ADAMTS19: variants seen among roughly 807,000 people sequenced by gnomAD.
ADAMTS19 encodes ADAM metallopeptidase with thrombospondin type 1 motif 19.
In ADAMTS19, 93 loss-of-function variants were observed where a neutral mutation model predicts 153.3. That is an observed-to-expected ratio of 0.61 (90% CI 0.51 to 0.72). ADAMTS19 has a LOEUF of 0.72. Among genes scored for constraint, ADAMTS19 ranks in the 30% least tolerant of loss-of-function variants. ADAMTS19 has a pLI of 0.00. For missense variants in ADAMTS19, 1,482 were observed against 1,552.1 expected (o/e 0.95, Z 0.76); for synonymous variants, 600 against 556.6 (o/e 1.08, Z -1.10).
chr5:129,638,308 T>C (rs945380150), intron 10 of ADAMTS19, among the ~76,000 whole-genome samples: 3 of 152,172 alleles, frequency 2.0e-5, no homozygotes, highest in African/African-American at 7.2e-5. Context: ...TTGGTTTCAC[T>C]TTAGTAAATT....
chr5:129,543,895 G>A (rs1752753602), intron 6 of ADAMTS19, among the ~76,000 whole-genome samples: 1 of 152,130 alleles, frequency 6.6e-6, no homozygotes. Flanking sequence ...AATGGTAAAT[G>A]TATTCCTAAA....
intron 7 of ADAMTS19, among the ~76,000 whole-genome samples, chr5:129,594,407 T>C (rs937521629): frequency 1.3e-5 from 2 of 152,084 alleles, no homozygotes; most frequent in Non-Finnish European, 2.9e-5. Flanking sequence ...TGGCAAAATA[T>C]ATGGGAATCT....
At chr5:129,572,900 T>A (rs1398756069) in intron 7 of ADAMTS19, among the ~76,000 whole-genome samples, 1 of 151,994 alleles carries the variant, frequency 6.6e-6, no homozygotes, top group Non-Finnish European at 1.5e-5. Flanking sequence ...AAAGAAAATG[T>A]TACTGTATAT....
At chr5:129,534,411 C>A (rs957399312) in intron 6 of ADAMTS19, among the ~76,000 whole-genome samples, 8 of 152,222 alleles carry the variant, frequency 5.3e-5, no homozygotes, top group East Asian at 1.9e-4. Flanking sequence ...ATAACAGGCT[C>A]TGAAATTGAG....
intron 3 of ADAMTS19, among the ~76,000 whole-genome samples, chr5:129,511,999 G>A (rs1440897582): frequency 1.3e-5 from 2 of 152,006 alleles, no homozygotes; most frequent in Non-Finnish European, 2.9e-5. Context: ...AAGGCATCAA[G>A]GGAACAGAAA....
At chr5:129,642,670 A>G (rs1208571077) in intron 11 of ADAMTS19, among the ~76,000 whole-genome samples, 2 of 152,218 alleles carry the variant, frequency 1.3e-5, no homozygotes, top group Non-Finnish European at 2.9e-5. Context: ...ACTGTACTCA[A>G]TTGTTAAGAT....
intron 8 of ADAMTS19, among the ~76,000 whole-genome samples, chr5:129,616,060 T>C (rs1751509200): frequency 6.6e-6 from 1 of 152,032 alleles, no homozygotes; most frequent in Non-Finnish European, 1.5e-5. Context: ...TCTAATTTTT[T>C]ACCTTGCTTT....
intron 7 of ADAMTS19, 114 bp from the exon 8 acceptor site, chr5:129,596,445 T>C (rs3944133): frequency 0.74 from 525,042 of 705,310 alleles, 199,616 homozygotes; most frequent in Non-Finnish European, 0.8. Context: ...TTTCACAGAT[T>C]AATACTGACA....
At position 129,520,370 on chromosome 5, in the gene ADAMTS19, A is replaced by G. The variant is rs144589110; in HGVS notation, c.914-5914A>G. ...ACTAGGGAGCCTAGTAAAATGCTGG[A>G]TATAAAGTTTCTTCACGTTAATTCC... On this transcript the variant is annotated intron_variant, in intron 3 of 22. Transcript: ENST00000274487. Among the ~76,000 whole-genome samples, 732 of 152,254 alleles carry G rather than the reference A, an allele frequency of 4.8e-3. 4 individuals carry two copies. The highest frequency in any genetic ancestry group is 6.8e-3 in the Non-Finnish European group (460 of 68,024).
intron 7 of ADAMTS19, among the ~76,000 whole-genome samples, chr5:129,568,666 T>A (rs1753797371): frequency 6.6e-6 from 1 of 151,660 alleles, no homozygotes; most frequent in Admixed American, 6.6e-5. Context: ...CAAAAAAAGT[T>A]TAAAAATTAG....
chr5:129,732,698 T>A (rs1757490543), intron 21 of ADAMTS19, among the ~76,000 whole-genome samples: 1 of 152,056 alleles, frequency 6.6e-6, no homozygotes, highest in African/African-American at 2.4e-5. Context: ...CCCATGCTCA[T>A]ATATTATAAG....
chr5:129,621,105 G>A (rs754574602), intron 9 of ADAMTS19, among the ~76,000 whole-genome samples: 19 of 152,042 alleles, frequency 1.2e-4, no homozygotes, highest in Non-Finnish European at 2.8e-4. Flanking sequence ...CTATTATCAC[G>A]AAGATCAGGG....
chr5:129,535,564 T>G (rs1428916869), intron 6 of ADAMTS19, among the ~76,000 whole-genome samples: 1 of 152,142 alleles, frequency 6.6e-6, no homozygotes, highest in Non-Finnish European at 1.5e-5. Flanking sequence ...AAAGCTACTT[T>G]AAAGTTCATA....
chr5:129,575,750 A>G (rs2126872735), intron 7 of ADAMTS19, among the ~76,000 whole-genome samples: 1 of 152,168 alleles, frequency 6.6e-6, no homozygotes, highest in East Asian at 1.9e-4. Flanking sequence ...TAAACATTAT[A>G]TTTTCCGAGG....
At chr5:129,557,887 T>A (rs537394303) in intron 7 of ADAMTS19, among the ~76,000 whole-genome samples, 9 of 152,128 alleles carry the variant, frequency 5.9e-5, no homozygotes, top group East Asian at 1.9e-4. Context: ...TTTTTTTTTT[T>A]AAATAACCAA....
chr5:129,617,096 T>C (rs934076923), intron 8 of ADAMTS19, among the ~76,000 whole-genome samples: 1 of 151,978 alleles, frequency 6.6e-6, no homozygotes, highest in Non-Finnish European at 1.5e-5. Flanking sequence ...GTTAATAGAG[T>C]AGCTGGCACA....
intron 6 of ADAMTS19, among the ~76,000 whole-genome samples, chr5:129,536,126 A>T (rs1471784704): frequency 6.6e-6 from 1 of 152,202 alleles, no homozygotes; most frequent in African/African-American, 2.4e-5. Flanking sequence ...TGAACAGGCA[A>T]CCTACACAAT....
intron 2 of ADAMTS19, among the ~76,000 whole-genome samples, chr5:129,505,776 A>C (rs993108251): frequency 2.6e-5 from 4 of 152,170 alleles, no homozygotes; most frequent in Non-Finnish European, 5.9e-5. Flanking sequence ...ATATAAGAAA[A>C]TGCCTATGAA....
At chr5:129,494,964 C>A (rs1750881062) in intron 2 of ADAMTS19, among the ~76,000 whole-genome samples, 1 of 152,058 alleles carries the variant, frequency 6.6e-6, no homozygotes. Context: ...ATACCACCAT[C>A]TTCTGTGTAG....
Sources: allele counts gnomAD v4.1 joint callset (sites outside exome capture counted in the v4.1 genomes callset), GRCh38; gene constraint gnomAD v4.1.1; transcripts MANE v1.5; gene names NCBI Gene and HGNC (gene_info 2026-07-23, HGNC 2026-07-21).